C1QTNF3: variants seen among roughly 807,000 people sequenced by gnomAD.
C1QTNF3 encodes the protein complement C1q tumor necrosis factor-related protein 3.
C1QTNF3 carries 26 observed loss-of-function variants against 32.6 expected under a neutral mutation model. The observed-to-expected ratio is 0.80, with a 90% CI of 0.58 to 1.11. The LOEUF (loss-of-function observed/expected upper bound fraction) is 1.11, where lower values mean the gene tolerates loss of function less well. Among genes scored for constraint, C1QTNF3 ranks in the 50% least tolerant of loss-of-function variants. The probability of loss-of-function intolerance (pLI) is 0.00; values close to 1 mark genes in which losing one functional copy is unlikely to be tolerated. For synonymous variants in C1QTNF3, 155 were observed against 146.0 expected (o/e 1.06, Z -0.44); for missense variants, 362 against 398.2 (o/e 0.91, Z 0.77).
At chr5:34,094,228 C>G in the C1QTNF3 span, among the ~76,000 whole-genome samples, 1 of 152,066 alleles carries the variant, frequency 6.6e-6, no homozygotes. Flanking sequence ...CTTCTCTAAA[C>G]GTTGTGAATT....
the C1QTNF3 span, among the ~76,000 whole-genome samples, chr5:34,233,000 A>G: frequency 6.8e-6 from 1 of 148,002 alleles, no homozygotes; most frequent in African/African-American, 2.5e-5. Context: ...ACTACAGTGC[A>G]TTTCTTTTCA....
At chr5:34,035,872 C>A (rs1754725015) in intron 1 of C1QTNF3, 114 bp from the exon 2 acceptor site, 2 of 745,558 alleles carry the variant, frequency 2.7e-6, no homozygotes, top group Non-Finnish European at 2.2e-6. Context: ...CGAATCACAG[C>A]AAGATCACAA....
chr5:34,023,345 G>C (rs765383331), intron 5 of C1QTNF3, among the ~76,000 whole-genome samples: 11 of 152,154 alleles, frequency 7.2e-5, no homozygotes, highest in Non-Finnish European at 1.5e-4. Flanking sequence ...TCTCTTACTT[G>C]CAACAATTTC....
At chr5:34,242,956 AAC>A in the C1QTNF3 span, among the ~76,000 whole-genome samples, 52 of 148,262 alleles carry the variant, frequency 3.5e-4, no homozygotes, top group East Asian at 6.1e-3. Context: ...AACAACACAC[AAC>A]ACACACTATA....
chr5:34,023,646 T>A (rs1017968691), intron 5 of C1QTNF3, among the ~76,000 whole-genome samples: 1 of 152,150 alleles, frequency 6.6e-6, no homozygotes, highest in African/African-American at 2.4e-5. Context: ...GTTATAAAAA[T>A]AATCCAAATG....
At chr5:34,084,853 T>C in the C1QTNF3 span, among the ~76,000 whole-genome samples, 1 of 145,236 alleles carries the variant, frequency 6.9e-6, no homozygotes, top group Non-Finnish European at 1.5e-5. Context: ...TAGATCCCAT[T>C]TGTCAATTTT....
the C1QTNF3 span, among the ~76,000 whole-genome samples, chr5:34,144,345 G>A: frequency 6.6e-6 from 1 of 152,296 alleles, no homozygotes; most frequent in South Asian, 2.1e-4. Context: ...CCCAGTGACA[G>A]CATTAGACAG....
At chr5:34,065,309 G>A in the C1QTNF3 span, among the ~76,000 whole-genome samples, 1 of 152,082 alleles carries the variant, frequency 6.6e-6, no homozygotes, top group Non-Finnish European at 1.5e-5. Context: ...CACATCGTAA[G>A]AAAAATGCAA....
the C1QTNF3 span, among the ~76,000 whole-genome samples, chr5:34,075,543 G>C: frequency 6.6e-6 from 1 of 151,238 alleles, no homozygotes; most frequent in African/African-American, 2.5e-5. Context: ...CATAAGAGGA[G>C]GAAGAATTAC....
At chr5:34,027,242 C>T (rs1754485479) in intron 4 of C1QTNF3, among the ~76,000 whole-genome samples, 2 of 152,144 alleles carry the variant, frequency 1.3e-5, no homozygotes, top group African/African-American at 4.8e-5. Context: ...GTTGATAAGG[C>T]TATCAGGAAA....
At chr5:34,056,469 T>TAC in the C1QTNF3 span, among the ~76,000 whole-genome samples, 6 of 109,310 alleles carry the variant, frequency 5.5e-5, no homozygotes, top group Admixed American at 1.0e-4. Flanking sequence ...TATATATATA[T>TAC]ATATATATAT....
At position 34,028,805 on chromosome 5, in the gene C1QTNF3, T is replaced by A. The variant is rs755141201; in HGVS notation, c.649A>T (p.Ile217Phe). The stretch of plus-strand genomic sequence containing the variant: ...GTCATGACATCAAAGAAGTTTCCAA[T>A]GTTGGTCTCAACACTGCTGAAGATA... The part of the protein sequence containing the change: ...GIIFSSVETN[I>F]GNFFDVMTGR... The change falls in exon 4 of 6, where the codon ATT becomes TTT. Residue 217 changes from isoleucine to phenylalanine, a missense_variant. Ile to Phe is a conservative substitution (Grantham distance 21, BLOSUM62 0). Transcript: ENST00000382065. The A allele has an allele frequency of 4.3e-6, 7 of 1,612,782 alleles. No individual in the cohort carries two copies. The African/African-American group carries it at 6.7e-5, about 15-fold the overall frequency.
At chr5:34,067,290 T>C in the C1QTNF3 span, among the ~76,000 whole-genome samples, 1 of 152,226 alleles carries the variant, frequency 6.6e-6, no homozygotes, top group African/African-American at 2.4e-5. Context: ...GGTCCAAAAT[T>C]GCTTCCACAT....
At chr5:34,080,668 T>C in the C1QTNF3 span, among the ~76,000 whole-genome samples, 1 of 151,704 alleles carries the variant, frequency 6.6e-6, no homozygotes, top group Admixed American at 6.6e-5. Flanking sequence ...TTCTTTCTTC[T>C]TTTGATTTAT....
At chr5:34,177,786 C>A in the C1QTNF3 span, among the ~76,000 whole-genome samples, 5 of 151,880 alleles carry the variant, frequency 3.3e-5, no homozygotes, top group Non-Finnish European at 7.4e-5. Context: ...TGCACCCAGC[C>A]ACAACTCATC....
chr5:34,052,249 T>C, the C1QTNF3 span, among the ~76,000 whole-genome samples: 3 of 152,240 alleles, frequency 2.0e-5, no homozygotes, highest in Admixed American at 6.5e-5. Context: ...TCGATAGACA[T>C]CCTTAACTAG....
At chr5:34,167,076 T>A in the C1QTNF3 span, 1 of 152,206 alleles carries the variant, frequency 6.6e-6, no homozygotes, top group Non-Finnish European at 1.5e-5. Context: ...ATTTCCTTTC[T>A]TTTCACTGGG....
chr5:34,091,863 T>G, the C1QTNF3 span, among the ~76,000 whole-genome samples: 2 of 151,986 alleles, frequency 1.3e-5, no homozygotes, highest in Non-Finnish European at 2.9e-5. Flanking sequence ...GTCAATGAAA[T>G]TTGCATGATG....
chr5:34,028,308 A>G (rs144774775), intron 4 of C1QTNF3, among the ~76,000 whole-genome samples: 1 of 152,260 alleles, frequency 6.6e-6, no homozygotes, highest in East Asian at 1.9e-4. Flanking sequence ...TACCTGCTCA[A>G]TTTCTTTTAA....
Sources: gnomAD v4.1 joint callset for allele counts (sites outside exome capture counted in the v4.1 genomes callset) on GRCh38, gnomAD v4.1.1 for gene constraint, MANE v1.5 for transcripts, NCBI Gene and HGNC (gene_info 2026-07-23, HGNC 2026-07-21) for gene names.